Variants in GABRB3 observed in about 807,000 individuals in gnomAD.
GABRB3 encodes the protein gamma-aminobutyric acid receptor subunit beta-3.
Under a neutral mutation model 52.1 loss-of-function variants are expected in GABRB3, and 14 were observed. The observed-to-expected ratio is 0.27, with a 90% CI of 0.18 to 0.42. GABRB3 has a LOEUF of 0.42. Among genes scored for constraint, GABRB3 ranks in the 10% least tolerant of loss-of-function variants. The probability of loss-of-function intolerance (pLI) is 1.00; values close to 1 mark genes in which losing one functional copy is unlikely to be tolerated. For synonymous variants in GABRB3, 260 were observed against 232.3 expected (o/e 1.12, Z -1.08); for missense variants, 307 against 609.1 (o/e 0.50, Z 5.22).
intron 3 of GABRB3, among the ~76,000 whole-genome samples, chr15:26,638,889 C>T (rs978479575): frequency 1.3e-5 from 2 of 152,130 alleles, no homozygotes; most frequent in African/African-American, 4.8e-5. Context: ...AGAGGAACAA[C>T]CCCCACCACG....
At chr15:26,593,856 C>T (rs1891294907) in intron 4 of GABRB3, among the ~76,000 whole-genome samples, 1 of 151,234 alleles carries the variant, frequency 6.6e-6, no homozygotes, top group East Asian at 2.0e-4. Context: ...GTTAATTTTA[C>T]GTTTAAATTT....
At chr15:26,624,013 T>G (rs186179837) in intron 3 of GABRB3, among the ~76,000 whole-genome samples, 2 of 152,244 alleles carry the variant, frequency 1.3e-5, no homozygotes, top group African/African-American at 4.8e-5. Context: ...CAAAGCCGCC[T>G]GTGAGGAAAA....
intron 3 of GABRB3, among the ~76,000 whole-genome samples, chr15:26,703,878 T>A (rs1221805706): frequency 6.6e-6 from 1 of 152,212 alleles, no homozygotes; most frequent in African/African-American, 2.4e-5. Flanking sequence ...CCCACTTTGC[T>A]GGCTTTGCGG....
At chr15:26,661,344 C>T (rs1887536570) in intron 3 of GABRB3, among the ~76,000 whole-genome samples, 1 of 152,182 alleles carries the variant, frequency 6.6e-6, no homozygotes, top group Middle Eastern at 3.2e-3. Context: ...CACGCACACA[C>T]ACGCACACAA....
intron 3 of GABRB3, among the ~76,000 whole-genome samples, chr15:26,678,134 C>T (rs1888124757): frequency 6.6e-6 from 1 of 152,134 alleles, no homozygotes; most frequent in Non-Finnish European, 1.5e-5. Flanking sequence ...GATAGGGCTG[C>T]CCCCAAATGC....
At chr15:26,637,382 T>C (rs191498321) in intron 3 of GABRB3, among the ~76,000 whole-genome samples, 1 of 152,304 alleles carries the variant, frequency 6.6e-6, no homozygotes, top group Non-Finnish European at 1.5e-5. Context: ...AGATGATAGG[T>C]TTATTTATTG....
At chr15:26,554,176 G>GAGTGTATATATATA (rs71420007) in intron 8 of GABRB3, among the ~76,000 whole-genome samples, 14 of 27,332 alleles carry the variant, frequency 5.1e-4, no homozygotes, top group African/African-American at 1.6e-3. Context: ...TATATATAAA[G>GAGTGTATATATATA]TATATATATA....
intron 3 of GABRB3, among the ~76,000 whole-genome samples, chr15:26,684,971 C>T (rs149146449): frequency 2.0e-5 from 3 of 152,284 alleles, no homozygotes; most frequent in Middle Eastern, 3.4e-3. Flanking sequence ...TAGACTTGCT[C>T]GACGCAGGGT....
intron 3 of GABRB3, among the ~76,000 whole-genome samples, chr15:26,698,235 T>C (rs1369080574): frequency 6.6e-6 from 1 of 152,218 alleles, no homozygotes; most frequent in African/African-American, 2.4e-5. Context: ...CTCTGAGAAT[T>C]AGAAACAGGG....
rs115780262 is a variant in GABRB3, at chr15:26,747,524, T to G, written c.240+24878A>C. On this transcript the variant is annotated intron_variant, in intron 3 of 8. Transcript: ENST00000311550. ...TTATTTTAATCTCAGTTCCCACATA[T>G]TTGTTGTTAGCATATAGATGTGATT... 3.3e-3 allele frequency among the ~76,000 whole-genome samples: 504 copies of G among 152,330 alleles called. 3 individuals are homozygous for G. The highest frequency in any genetic ancestry group is 0.011 in the African/African-American group (469 of 41,580).
intron 4 of GABRB3, among the ~76,000 whole-genome samples, chr15:26,617,287 C>A (rs901994669): frequency 6.6e-6 from 1 of 152,166 alleles, no homozygotes; most frequent in Non-Finnish European, 1.5e-5. Flanking sequence ...TCATCCGAAT[C>A]CAGCAGCCCA....
intron 3 of GABRB3, among the ~76,000 whole-genome samples, chr15:26,730,759 C>T (rs994382181): frequency 2.0e-5 from 3 of 152,224 alleles, no homozygotes; most frequent in African/African-American, 7.2e-5. Context: ...AAGCTTAAAT[C>T]CTCCATCTGT....
chr15:26,653,520 C>A (rs1056631803), intron 3 of GABRB3, among the ~76,000 whole-genome samples: 3 of 152,150 alleles, frequency 2.0e-5, no homozygotes, highest in African/African-American at 7.2e-5. Context: ...CCCTAACTGC[C>A]AAATTAATCC....
chr15:26,648,507 A>G (rs1449994172), intron 3 of GABRB3, among the ~76,000 whole-genome samples: 1 of 152,220 alleles, frequency 6.6e-6, no homozygotes, highest in African/African-American at 2.4e-5. Context: ...GAGGGTGTAC[A>G]GTGAGAACCT....
chr15:26,595,367 G>A (rs181277542), intron 4 of GABRB3, among the ~76,000 whole-genome samples: 1 of 152,282 alleles, frequency 6.6e-6, no homozygotes, highest in East Asian at 1.9e-4. Context: ...CTGGGAACTA[G>A]GCTGCTGCCT....
rs562691558 is a variant in GABRB3, at chr15:26,547,682, A to G, written c.*111T>C. 3 of 786,516 alleles carry G rather than the reference A, an allele frequency of 3.8e-6. No individual in the cohort carries two copies. Among genetic ancestry groups the G allele is most frequent in the African/African-American group, 3.4e-5 (2 of 58,452 alleles). 48.7% of individuals were successfully genotyped at this position (786,516 alleles called of 1,614,324 possible). A position where few individuals can be genotyped will look rare whatever the true frequency, so the allele number is the denominator to read the frequency against. ...TATATATACAATTGCGTATGTATAT[A>G]TGTGTGTGTCTGCTTGTGTGTCTGT... On this transcript the variant is annotated 3_prime_UTR_variant, in exon 9 of 9. Transcript: ENST00000311550.
At chr15:26,718,109 A>C (rs1386297119) in intron 3 of GABRB3, among the ~76,000 whole-genome samples, 1 of 152,254 alleles carries the variant, frequency 6.6e-6, no homozygotes, top group Non-Finnish European at 1.5e-5. Context: ...GGTCCTGCAC[A>C]CACCTGAAAA....
chr15:26,657,583 C>A (rs975052281), intron 3 of GABRB3, among the ~76,000 whole-genome samples: 1 of 152,218 alleles, frequency 6.6e-6, no homozygotes. Flanking sequence ...GTCTCAGACC[C>A]TGTGTTAGGT....
At chr15:26,684,075 G>C (rs962872334) in intron 3 of GABRB3, among the ~76,000 whole-genome samples, 3 of 152,096 alleles carry the variant, frequency 2.0e-5, no homozygotes, top group Non-Finnish European at 4.4e-5. Context: ...GGCACTTCAG[G>C]GTGTGCACGG....
Sources: allele counts gnomAD v4.1 joint callset (sites outside exome capture counted in the v4.1 genomes callset), GRCh38; gene constraint gnomAD v4.1.1; transcripts MANE v1.5; gene names NCBI Gene and HGNC (gene_info 2026-07-23, HGNC 2026-07-21).